The following C13orf42 variants were observed in gnomAD, a reference collection of about 807,000 sequenced individuals.
The protein encoded by C13orf42 is uncharacterized protein C13orf42.
intron 1 of C13orf42, among the ~76,000 whole-genome samples, chr13:51,093,130 T>C (rs1291148713): frequency 6.6e-6 from 1 of 152,342 alleles, no homozygotes; most frequent in East Asian, 1.9e-4. Flanking sequence ...CAAGTTGGTT[T>C]GTTCAAATTA....
chr13:51,146,033 T>C (rs1325558459), intron 1 of C13orf42, among the ~76,000 whole-genome samples: 2 of 152,090 alleles, frequency 1.3e-5, no homozygotes, highest in Non-Finnish European at 2.9e-5. Context: ...ACAAATAAGT[T>C]CTAGAGCAAT....
At chr13:51,165,853 A>C (rs1953898503) in intron 1 of C13orf42, among the ~76,000 whole-genome samples, 1 of 152,234 alleles carries the variant, frequency 6.6e-6, no homozygotes, top group African/African-American at 2.4e-5. Flanking sequence ...TGAGATATAA[A>C]ACTATATTTA....
chr13:51,148,731 C>G (rs1042534763), intron 1 of C13orf42, among the ~76,000 whole-genome samples: 1 of 152,220 alleles, frequency 6.6e-6, no homozygotes, highest in African/African-American at 2.4e-5. Context: ...AACAAACCCC[C>G]TAACTGGCTG....
chr13:51,084,358 T>A, intron 3 of C13orf42, 33 bp from the exon 4 acceptor site: 2 of 398,796 alleles, frequency 5.0e-6, no homozygotes, highest in Non-Finnish European at 8.8e-6. Context: ...GAGGTTTAAG[T>A]TCGGCTTGGC....
intron 1 of C13orf42, among the ~76,000 whole-genome samples, chr13:51,133,327 C>T (rs1315667007): frequency 6.6e-6 from 1 of 151,874 alleles, no homozygotes; most frequent in African/African-American, 2.4e-5. Flanking sequence ...GAGGGGAGGA[C>T]GGGGAGTTGC....
chr13:51,086,503 T>A (rs1175369115), intron 2 of C13orf42, among the ~76,000 whole-genome samples: 3 of 150,546 alleles, frequency 2.0e-5, no homozygotes, highest in African/African-American at 7.5e-5. Flanking sequence ...AGTGTGTGTG[T>A]GAGAGAGAGA....
intron 1 of C13orf42, among the ~76,000 whole-genome samples, chr13:51,154,071 C>T (rs2094278): frequency 0.35 from 53,255 of 152,008 alleles, 9,477 homozygotes; most frequent in African/African-American, 0.41. Context: ...CGGTACGTCA[C>T]ACAAGTGAAT....
intron 1 of C13orf42, among the ~76,000 whole-genome samples, chr13:51,131,780 T>C (rs973606259): frequency 3.3e-4 from 51 of 152,366 alleles, no homozygotes; most frequent in African/African-American, 1.1e-3. Flanking sequence ...TTGTCTTTAG[T>C]GAAAAATGGG....
upstream of C13orf42, among the ~76,000 whole-genome samples, chr13:51,114,651 T>TAGATAGATAGAGATAGAC (rs1555266732): frequency 7.0e-6 from 1 of 142,378 alleles, no homozygotes; most frequent in African/African-American, 2.6e-5. Context: ...TAGATAGAGA[T>TAGATAGATAGAGATAGAC]AGACAGACAG....
upstream of C13orf42, among the ~76,000 whole-genome samples, chr13:51,112,155 T>C (rs1953442280): frequency 6.6e-6 from 1 of 152,230 alleles, no homozygotes; most frequent in Non-Finnish European, 1.5e-5. Flanking sequence ...ATGCTAAACA[T>C]TGTTATTTTG....
At chr13:51,116,262 G>C (rs1288000448), upstream of C13orf42, among the ~76,000 whole-genome samples, 1 of 152,174 alleles carries the variant, frequency 6.6e-6, no homozygotes, top group Non-Finnish European at 1.5e-5. Flanking sequence ...GACAATGGGA[G>C]GTAGGGTAAC....
At chr13:51,110,297 A>C (rs1166500436) in intron 1 of C13orf42, among the ~76,000 whole-genome samples, 2 of 152,242 alleles carry the variant, frequency 1.3e-5, no homozygotes, top group African/African-American at 4.8e-5. Context: ...ATGCCATGCA[A>C]GCATTATCTC....
chr13:51,084,365 T>G (rs1260795293), intron 3 of C13orf42, 40 bp from the exon 4 acceptor site: 2 of 398,572 alleles, frequency 5.0e-6, no homozygotes, highest in Admixed American at 8.8e-5. Context: ...AAGTTCGGCT[T>G]GGCCGGCCAC....
upstream of C13orf42, among the ~76,000 whole-genome samples, chr13:51,112,165 G>T (rs1234745544): frequency 1.3e-5 from 2 of 152,130 alleles, no homozygotes; most frequent in African/African-American, 4.8e-5. Flanking sequence ...TTGTTATTTT[G>T]TTCATTCTTC....
At chr13:51,118,383 G>A (rs946067129) in intron 1 of C13orf42, among the ~76,000 whole-genome samples, 1 of 152,186 alleles carries the variant, frequency 6.6e-6, no homozygotes, top group African/African-American at 2.4e-5. Context: ...AGAGGGGCAC[G>A]ACAGGCCTCC....
At chr13:51,086,446 G>A (rs960153569) in intron 2 of C13orf42, among the ~76,000 whole-genome samples, 1 of 152,022 alleles carries the variant, frequency 6.6e-6, no homozygotes, top group African/African-American at 2.4e-5. Flanking sequence ...ATTAAAATGA[G>A]TTTGTGAGTT....
At chr13:51,111,388 T>C (rs1953432008), upstream of C13orf42, among the ~76,000 whole-genome samples, 2 of 152,228 alleles carry the variant, frequency 1.3e-5, no homozygotes, top group South Asian at 4.1e-4. Flanking sequence ...ACATCTCCCA[T>C]GGGGGATGTT....
chr13:51,168,834 A>G (rs555829796), intron 1 of C13orf42, among the ~76,000 whole-genome samples: 2 of 152,046 alleles, frequency 1.3e-5, no homozygotes, highest in African/African-American at 2.4e-5. Context: ...CATGAGATCT[A>G]GTTGTTGAAA....
At chr13:51,168,811 G>A (rs1047851255) in intron 1 of C13orf42, among the ~76,000 whole-genome samples, 2 of 152,156 alleles carry the variant, frequency 1.3e-5, no homozygotes, top group Admixed American at 6.5e-5. Context: ...TCTCATATTA[G>A]TGAGTGAGTT....
Sources: allele counts gnomAD v4.1 joint callset (sites outside exome capture counted in the v4.1 genomes callset), GRCh38; gene constraint gnomAD v4.1.1; transcripts MANE v1.5; gene names NCBI Gene and HGNC (gene_info 2026-07-23, HGNC 2026-07-21).